The following FLRT1 variants were observed in gnomAD, a reference collection of about 807,000 sequenced individuals.
FLRT1 encodes the protein leucine-rich repeat transmembrane protein FLRT1.
A neutral mutation model predicts 30.9 loss-of-function variants in FLRT1; 14 were observed. The observed-to-expected ratio is 0.45, with a 90% CI of 0.30 to 0.71. The LOEUF (loss-of-function observed/expected upper bound fraction) is 0.71, where lower values mean the gene tolerates loss of function less well. Among genes scored for constraint, FLRT1 ranks in the 30% least tolerant of loss-of-function variants. FLRT1 has a pLI of 0.08. For missense variants in FLRT1, 737 were observed against 949.2 expected (o/e 0.78, Z 2.94); for synonymous variants, 368 against 430.4 (o/e 0.85, Z 1.80).
intron 2 of FLRT1, among the ~76,000 whole-genome samples, chr11:64,109,166 G>T (rs1165519582): frequency 6.6e-6 from 1 of 152,080 alleles, no homozygotes; most frequent in Non-Finnish European, 1.5e-5. Context: ...CTATTTCCTT[G>T]CTGGCTTCCA....
At chr11:64,066,933 G>T (rs1444545670) in intron 1 of FLRT1, among the ~76,000 whole-genome samples, 1 of 152,206 alleles carries the variant, frequency 6.6e-6, no homozygotes, top group Admixed American at 6.5e-5. Context: ...CCCAGCCCAG[G>T]TGCTGCCCGC....
chr11:64,089,231 T>C (rs907380576), intron 1 of FLRT1, among the ~76,000 whole-genome samples: 6 of 151,652 alleles, frequency 4.0e-5, no homozygotes, highest in African/African-American at 1.5e-4. Flanking sequence ...ACCGCGGAGG[T>C]GAGGGCCCCG....
intron 1 of FLRT1, among the ~76,000 whole-genome samples, chr11:64,045,623 C>T (rs1260419899): frequency 1.3e-5 from 2 of 152,150 alleles, no homozygotes; most frequent in Non-Finnish European, 2.9e-5. Flanking sequence ...CACCTTGCTG[C>T]GTCCTGAGGG....
At chr11:64,069,075 G>A (rs1237012096) in intron 1 of FLRT1, among the ~76,000 whole-genome samples, 1 of 152,202 alleles carries the variant, frequency 6.6e-6, no homozygotes, top group Non-Finnish European at 1.5e-5. Context: ...GGCAGGATGG[G>A]GGCAGGAGAA....
chr11:64,105,070 C>T (rs1400496202), intron 2 of FLRT1, among the ~76,000 whole-genome samples: 3 of 152,254 alleles, frequency 2.0e-5, no homozygotes, highest in Non-Finnish European at 4.4e-5. Flanking sequence ...CACGGCGCAG[C>T]ATGCATGCCA....
At chr11:64,045,858 A>G (rs1943574840) in intron 1 of FLRT1, among the ~76,000 whole-genome samples, 1 of 152,196 alleles carries the variant, frequency 6.6e-6, no homozygotes, top group Non-Finnish European at 1.5e-5. Context: ...AGGCTGAGGC[A>G]GGAGGATGGC....
intron 1 of FLRT1, among the ~76,000 whole-genome samples, chr11:64,039,255 G>A (rs572926722): frequency 1.2e-3 from 182 of 152,222 alleles, no homozygotes; most frequent in African/African-American, 4.1e-3. Context: ...TGGGTGTGGC[G>A]AGGGTGCTAA....
At chr11:64,089,115 A>C (rs1428336691) in intron 1 of FLRT1, among the ~76,000 whole-genome samples, 1 of 152,180 alleles carries the variant, frequency 6.6e-6, no homozygotes, top group African/African-American at 2.4e-5. Context: ...ACCCAGCCGG[A>C]AGGCAGGAGC....
chr11:64,081,536 G>A (rs1944303579), intron 1 of FLRT1, among the ~76,000 whole-genome samples: 1 of 152,108 alleles, frequency 6.6e-6, no homozygotes. Flanking sequence ...ACACCCCCCC[G>A]ACCCCATCGC....
chr11:64,116,116 C>T, intron 2 of FLRT1, 103 bp from the exon 3 acceptor site: 1 of 1,245,062 alleles, frequency 8.0e-7, no homozygotes, highest in Non-Finnish European at 1.1e-6. Flanking sequence ...GGACTTCGGT[C>T]ACCCCTTGGT....
chr11:64,116,549 C>T lies in FLRT1; in HGVS notation c.282C>T (p.Asn94=), dbSNP rs752481356. ...TCTACCTGCAGAACAACCAGATCAA[C>T]AACGCCGGCATCCCCCAGGACCTCA... The part of the protein sequence containing the change: ...TTLYLQNNQI[N]NAGIPQDLKT... The change falls in exon 3 of 3, where the codon AAC becomes AAT. Residue 94 remains asparagine, a synonymous_variant. Transcript: ENST00000682287. The T allele has an allele frequency of 2.5e-6, 4 of 1,614,090 alleles. No homozygotes were observed. The highest frequency in any genetic ancestry group is 1.6e-4 in the Middle Eastern group (1 of 6,062).
At position 64,082,275 on chromosome 11, in the gene FLRT1, G is replaced by A. The variant is rs1944317730; in HGVS notation, c.-1037-20919G>A. On this transcript the variant is annotated intron_variant, in intron 1 of 2. Transcript: ENST00000682287. This position sits in a 1 kb window ranked among gnomAD's most constrained non-coding sequence, Gnocchi z 4.5. ...AGGATGGCTGAGCCTGGGGGGTGGA[G>A]AAAATCTTGCCTCCTGCTCTGAGCA... is the stretch of plus-strand genomic sequence containing the variant. Among the ~76,000 whole-genome samples, 1 of 152,126 alleles carries A rather than the reference G, an allele frequency of 6.6e-6. No individual in the cohort carries two copies. Among genetic ancestry groups the A allele is most frequent in the South Asian group, 2.1e-4 (1 of 4,818 alleles).
Position 64,117,432 on chromosome 11 carries a change from A to G in FLRT1, c.1165A>G (p.Asn389Asp). The change falls in exon 3 of 3, where the codon AAT becomes GAT. Residue 389 changes from asparagine (N) to aspartate (D), a missense_variant. By Grantham distance (23) the Asn-to-Asp change is conservative (BLOSUM62 1). Coordinates refer to ENST00000682287, the MANE Select transcript of FLRT1 (RefSeq NM_013280.5). The stretch of plus-strand genomic sequence containing the variant: ...GACGGGGCCGCAGGGCGGCGTGGCC[A>G]ATGCGGCTGCCAAGACCACGGCCAG... The part of the protein sequence containing the change: ...FETGPQGGVA[N>D]AAAKTTASNH... 6.2e-7 allele frequency: 1 copy of G among 1,612,858 alleles called. No homozygotes were observed. The highest frequency in any genetic ancestry group is 1.1e-5 in the South Asian group (1 of 91,016).
At chr11:64,045,059 G>A (rs1377605272) in intron 1 of FLRT1, among the ~76,000 whole-genome samples, 1 of 152,256 alleles carries the variant, frequency 6.6e-6, no homozygotes, top group Non-Finnish European at 1.5e-5. Context: ...GGCATTGTGA[G>A]CAGTCAGGCC....
At chr11:64,109,297 C>G (rs940398900) in intron 2 of FLRT1, among the ~76,000 whole-genome samples, 3 of 152,126 alleles carry the variant, frequency 2.0e-5, no homozygotes, top group Non-Finnish European at 4.4e-5. Context: ...TAAGCCACCA[C>G]GAGGGGTGGG....
At chr11:64,047,789 C>T (rs990200772) in intron 1 of FLRT1, among the ~76,000 whole-genome samples, 2 of 150,766 alleles carry the variant, frequency 1.3e-5, no homozygotes, top group African/African-American at 2.4e-5. Context: ...CCCAGCAACT[C>T]GGGAGGCTGA....
intron 1 of FLRT1, among the ~76,000 whole-genome samples, chr11:64,056,346 C>T (rs1409455545): frequency 2.0e-5 from 3 of 152,188 alleles, no homozygotes; most frequent in Admixed American, 6.5e-5. Context: ...CGCCACTCCC[C>T]GCCCAGGCTC....
chr11:64,054,473 G>C (rs1943748026), intron 1 of FLRT1, among the ~76,000 whole-genome samples: 1 of 152,106 alleles, frequency 6.6e-6, no homozygotes, highest in African/African-American at 2.4e-5. Flanking sequence ...TGGGTGCTGG[G>C]TTCGCTGTGC....
chr11:64,098,720 C>T (rs890689821), intron 1 of FLRT1, among the ~76,000 whole-genome samples: 12 of 152,348 alleles, frequency 7.9e-5, no homozygotes, highest in South Asian at 4.1e-4. Context: ...CTAGCTCGCA[C>T]CAGCTCTGAC....
Sources: gnomAD v4.1 joint callset for allele counts (sites outside exome capture counted in the v4.1 genomes callset) on GRCh38, gnomAD v4.1.1 for gene constraint, Gnocchi (gnomAD v3.1) non-coding constraint, MANE v1.5 for transcripts, NCBI Gene and HGNC (gene_info 2026-07-23, HGNC 2026-07-21) for gene names.